REPS1: variants seen among roughly 807,000 people sequenced by gnomAD.
REPS1 encodes the protein ralBP1-associated Eps domain-containing protein 1.
REPS1 carries 39 observed loss-of-function variants against 100.9 expected under a neutral mutation model. The ratio of observed to expected loss-of-function variants is 0.39; its 90% CI spans 0.30 to 0.50. The LOEUF is 0.50. REPS1 is among the 20% of genes least tolerant of loss of function. REPS1 has a pLI of 0.86. For missense variants in REPS1, 821 were observed against 968.5 expected, an observed-to-expected ratio of 0.85 and a Z score of 2.02; for synonymous variants, 324 against 340.3, an observed-to-expected ratio of 0.95 and a Z score of 0.53.
chr6:138,982,672 C>T (rs1785020893), intron 1 of REPS1, among the ~76,000 whole-genome samples: 1 of 152,160 alleles, frequency 6.6e-6, no homozygotes, highest in Admixed American at 6.5e-5. Context: ...TTTTTCTCCC[C>T]CTCATCTTGC....
At chr6:138,945,178 G>C in intron 4 of REPS1, 41 bp downstream of exon 4, 1 of 1,535,652 alleles carries the variant, frequency 6.5e-7, no homozygotes, top group Non-Finnish European at 8.8e-7. Context: ...AGACCAGCCT[G>C]GGCAACACAA....
At chr6:138,981,672 T>C (rs376118888) in intron 1 of REPS1, among the ~76,000 whole-genome samples, 18 of 152,260 alleles carry the variant, frequency 1.2e-4, no homozygotes, top group African/African-American at 4.3e-4. Flanking sequence ...GATTAGCCGC[T>C]CCTACACAAA....
chr6:138,955,580 G>A (rs142280940), intron 1 of REPS1, among the ~76,000 whole-genome samples: 1 of 151,296 alleles, frequency 6.6e-6, no homozygotes, highest in Non-Finnish European at 1.5e-5. Flanking sequence ...GACAAGAGAG[G>A]GAAGTTAATG....
At position 138,904,834 on chromosome 6, in the gene REPS1, G is replaced by T; in HGVS notation, c.*230C>A. On this transcript the variant is annotated 3_prime_UTR_variant, in exon 20 of 20. Transcript: ENST00000450536. ...CCAGATGCTAGGGAACAGAAAAGGT[G>T]GGTGTGCCAACAAACACAATCTACC... The T allele has an allele frequency of 2.5e-6, 1 of 403,192 alleles. No individual in the cohort carries two copies. The highest frequency in any genetic ancestry group is 4.0e-5 in the Admixed American group (1 of 24,868). The allele number at this position is 403,192 out of a possible 1,614,324, so 25.0% of individuals were successfully genotyped here.
At chr6:138,959,848 G>A (rs1307974422) in intron 1 of REPS1, among the ~76,000 whole-genome samples, 1 of 152,146 alleles carries the variant, frequency 6.6e-6, no homozygotes, top group African/African-American at 2.4e-5. Context: ...TTAATGTTCA[G>A]AACAATCCTC....
At chr6:138,984,133 G>A (rs1484743089) in intron 1 of REPS1, among the ~76,000 whole-genome samples, 1 of 146,686 alleles carries the variant, frequency 6.8e-6, no homozygotes, top group Non-Finnish European at 1.5e-5. Flanking sequence ...AGGCTGGAGT[G>A]CAGTGGCGCG....
chr6:138,920,551 C>T (rs75113226), intron 11 of REPS1, among the ~76,000 whole-genome samples: 1,580 of 152,272 alleles, frequency 0.01, 21 homozygotes, highest in African/African-American at 0.036. Context: ...TGCATGTTCA[C>T]ACTTAATTTT....
intron 1 of REPS1, among the ~76,000 whole-genome samples, chr6:138,960,854 C>G (rs1219660818): frequency 6.6e-6 from 1 of 152,148 alleles, no homozygotes; most frequent in Non-Finnish European, 1.5e-5. Flanking sequence ...TTCTTAATAT[C>G]ACTACTGATC....
chr6:138,976,348 T>C (rs547120980), intron 1 of REPS1, among the ~76,000 whole-genome samples: 175 of 152,304 alleles, frequency 1.1e-3, no homozygotes, highest in Non-Finnish European at 2.0e-3. Flanking sequence ...ATTGTGAGGA[T>C]TGGGACCAAG....
chr6:138,956,862 G>C lies in REPS1; in HGVS notation c.154-8949C>G, dbSNP rs145646768. On this transcript the variant is annotated intron_variant, in intron 1 of 19. Transcript: ENST00000450536. ...GAATCTTAAAAATACTCTAGTGCCT[G>C]TTCTGATAGATTTTAGAAAATACTC... Among the ~76,000 whole-genome samples the C allele has an allele frequency of 1.3e-3, 204 of 151,276 alleles. 2 individuals carry two copies. The highest frequency in any genetic ancestry group is 0.011 in the Admixed American group (167 of 15,210).
chr6:138,917,483 G>C (rs964873997), intron 13 of REPS1, 72 bp downstream of exon 13: 1 of 1,175,364 alleles, frequency 8.5e-7, no homozygotes, highest in African/African-American at 1.5e-5. Flanking sequence ...TTTGTGCTTG[G>C]TTCTAAATAG....
chr6:138,914,607 T>C (rs1272481208), intron 15 of REPS1, 90 bp downstream of exon 15: 1 of 1,042,190 alleles, frequency 9.6e-7, no homozygotes, highest in African/African-American at 1.6e-5. Context: ...AGATCATTCC[T>C]GACCTTCCAA....
chr6:138,926,291 T>C, intron 10 of REPS1, 110 bp downstream of exon 10: 2 of 714,378 alleles, frequency 2.8e-6, no homozygotes, highest in Non-Finnish European at 4.6e-6. Flanking sequence ...CTGCCGCCAC[T>C]TCCCTCTAAG....
chr6:138,910,733 A>G lies in REPS1; in HGVS notation c.2067+543T>C, dbSNP rs115237461. ...AGACGGACTAACACAGACATAAAAC[A>G]TATAAGGATTGACAGATGAACAGAT... On this transcript the variant is annotated intron_variant, in intron 17 of 19. Transcript: ENST00000450536. 9.0e-3 allele frequency among the ~76,000 whole-genome samples: 1,371 copies of G among 152,328 alleles called. 16 individuals carry two copies. The highest frequency in any genetic ancestry group is 0.031 in the African/African-American group (1,297 of 41,548).
chr6:138,979,874 A>G (rs1784837741), intron 1 of REPS1, among the ~76,000 whole-genome samples: 1 of 152,184 alleles, frequency 6.6e-6, no homozygotes, highest in African/African-American at 2.4e-5. Context: ...TATCACTAAC[A>G]TAGTGACAAT....
At chr6:138,975,899 C>G (rs1208821475) in intron 1 of REPS1, among the ~76,000 whole-genome samples, 1 of 152,098 alleles carries the variant, frequency 6.6e-6, no homozygotes, top group African/African-American at 2.4e-5. Context: ...AATGAAATCT[C>G]AAGAGAGGTT....
At chr6:138,938,237 T>C (rs530529110) in intron 8 of REPS1, among the ~76,000 whole-genome samples, 32 of 152,302 alleles carry the variant, frequency 2.1e-4, no homozygotes, top group Admixed American at 5.2e-4. Context: ...CTATTTTATC[T>C]ATGCATACCT....
chr6:138,970,066 T>C (rs1045047909), intron 1 of REPS1, among the ~76,000 whole-genome samples: 1 of 152,170 alleles, frequency 6.6e-6, no homozygotes, highest in African/African-American at 2.4e-5. Flanking sequence ...TGAACATTTC[T>C]GAAGAGTAGC....
intron 17 of REPS1, among the ~76,000 whole-genome samples, chr6:138,909,771 A>C (rs1422752563): frequency 1.1e-4 from 16 of 150,608 alleles, no homozygotes; most frequent in Non-Finnish European, 2.2e-4. Flanking sequence ...AGGCCTCCCC[A>C]GCCATGCAGA....
Sources: gnomAD v4.1 joint callset for allele counts (sites outside exome capture counted in the v4.1 genomes callset) on GRCh38, gnomAD v4.1.1 for gene constraint, MANE v1.5 for transcripts, NCBI Gene and HGNC (gene_info 2026-07-23, HGNC 2026-07-21) for gene names.